The following SCHIP1 variants were observed in gnomAD, a reference collection of about 807,000 sequenced individuals.
SCHIP1 encodes schwannomin interacting protein 1, also known as schwannomin-interacting protein 1.
A neutral mutation model predicts 29.7 loss-of-function variants in SCHIP1; 8 were observed. The ratio of observed to expected loss-of-function variants is 0.27; its 90% CI spans 0.16 to 0.49. The LOEUF is 0.49. Ranked by LOEUF, SCHIP1 falls within the 20% of genes least tolerant of loss-of-function variation. The pLI is 0.99. For missense variants in SCHIP1, 193 were observed against 294.6 expected, an observed-to-expected ratio of 0.66 and a Z score of 2.52; for synonymous variants, 76 against 94.9, an observed-to-expected ratio of 0.80 and a Z score of 1.16.
chr3:159,292,208 C>T, the SCHIP1 span, among the ~76,000 whole-genome samples: 1 of 151,722 alleles, frequency 6.6e-6, no homozygotes, highest in Non-Finnish European at 1.5e-5. Context: ...GAAAAAGAGA[C>T]AGGAGGAAGA....
chr3:159,309,265 T>C, the SCHIP1 span: 1 of 189,198 alleles, frequency 5.3e-6, no homozygotes, highest in Non-Finnish European at 9.8e-6. Flanking sequence ...AAAAAGGAAA[T>C]CGTATTTAAA....
chr3:159,780,181 G>T, the SCHIP1 span, among the ~76,000 whole-genome samples: 2 of 152,198 alleles, frequency 1.3e-5, no homozygotes, highest in Non-Finnish European at 2.9e-5. Context: ...GGAAATTTAT[G>T]TCTAGAGCAT....
chr3:159,583,216 G>C, the SCHIP1 span, among the ~76,000 whole-genome samples: 1 of 152,122 alleles, frequency 6.6e-6, no homozygotes, highest in East Asian at 1.9e-4. Context: ...TCTAGGGTAT[G>C]TAAGTGACTT....
chr3:159,582,210 C>A, the SCHIP1 span, among the ~76,000 whole-genome samples: 1 of 151,810 alleles, frequency 6.6e-6, no homozygotes, highest in Non-Finnish European at 1.5e-5. Context: ...TCTCACTGTT[C>A]CCCAGGCTGA....
chr3:159,877,829 C>G (rs778471220), intron 2 of SCHIP1, among the ~76,000 whole-genome samples: 9 of 152,180 alleles, frequency 5.9e-5, no homozygotes, highest in Non-Finnish European at 1.0e-4. Context: ...AATAAATAGG[C>G]AGCCTGGCTT....
the SCHIP1 span, among the ~76,000 whole-genome samples, chr3:159,361,634 T>C: frequency 6.6e-5 from 10 of 152,062 alleles, no homozygotes; most frequent in African/African-American, 2.2e-4. Context: ...GAGAATAGAT[T>C]GTAGGGGGCA....
chr3:159,735,167 A>T, the SCHIP1 span, among the ~76,000 whole-genome samples: 3 of 151,970 alleles, frequency 2.0e-5, no homozygotes, highest in Non-Finnish European at 4.4e-5. Flanking sequence ...AAGCATTTTT[A>T]AAGGAACTTT....
chr3:159,611,363 A>G, the SCHIP1 span, among the ~76,000 whole-genome samples: 112 of 152,250 alleles, frequency 7.4e-4, no homozygotes, highest in African/African-American at 2.5e-3. Flanking sequence ...AAAAGAATGA[A>G]GTCATGTCCT....
chr3:159,586,838 A>G, the SCHIP1 span, among the ~76,000 whole-genome samples: 2 of 152,186 alleles, frequency 1.3e-5, no homozygotes, highest in African/African-American at 4.8e-5. Flanking sequence ...AAAATACTTT[A>G]GCAGCTCTTG....
chr3:159,446,246 A>G, the SCHIP1 span, among the ~76,000 whole-genome samples: 5 of 152,094 alleles, frequency 3.3e-5, no homozygotes, highest in Non-Finnish European at 5.9e-5. Flanking sequence ...ACATATGCCC[A>G]CTAATATTGT....
At chr3:159,466,017 A>G in the SCHIP1 span, among the ~76,000 whole-genome samples, 3 of 152,218 alleles carry the variant, frequency 2.0e-5, no homozygotes, top group Admixed American at 6.5e-5. Context: ...ACAATTTTTG[A>G]GAAATAATTC....
At chr3:159,316,679 C>A in the SCHIP1 span, among the ~76,000 whole-genome samples, 1 of 152,180 alleles carries the variant, frequency 6.6e-6, no homozygotes, top group Non-Finnish European at 1.5e-5. Flanking sequence ...TTACACCTAA[C>A]ATAATACAAC....
chr3:159,541,565 T>C, the SCHIP1 span, among the ~76,000 whole-genome samples: 1 of 151,978 alleles, frequency 6.6e-6, no homozygotes, highest in African/African-American at 2.4e-5. Context: ...TGGATATCTT[T>C]CCATATCAAA....
chr3:159,334,737 C>T, the SCHIP1 span, among the ~76,000 whole-genome samples: 1 of 152,040 alleles, frequency 6.6e-6, no homozygotes, highest in Non-Finnish European at 1.5e-5. Flanking sequence ...TTTATATTGT[C>T]GTATTCCATC....
chr3:159,490,258 T>C, the SCHIP1 span, among the ~76,000 whole-genome samples: 4 of 152,198 alleles, frequency 2.6e-5, no homozygotes, highest in Non-Finnish European at 5.9e-5. Flanking sequence ...CTCTCTTAGT[T>C]ACTTTGAAAT....
the SCHIP1 span, among the ~76,000 whole-genome samples, chr3:159,525,922 C>T: frequency 1.0e-3 from 157 of 152,252 alleles, 1 homozygote; most frequent in African/African-American, 3.5e-3. Flanking sequence ...AAATTGCAAA[C>T]TTTTTGTTTG....
the SCHIP1 span, among the ~76,000 whole-genome samples, chr3:159,766,663 A>G: frequency 1.1e-4 from 16 of 152,310 alleles, no homozygotes; most frequent in East Asian, 3.1e-3. Context: ...GATGGTGACA[A>G]TGAGCTCCAT....
chr3:159,571,684 T>C, the SCHIP1 span, among the ~76,000 whole-genome samples: 2 of 152,188 alleles, frequency 1.3e-5, no homozygotes, highest in Non-Finnish European at 2.9e-5. Flanking sequence ...TTGATTGGAA[T>C]AGTTTCAGAA....
chr3:159,356,249 G>C, the SCHIP1 span, among the ~76,000 whole-genome samples: 44 of 152,104 alleles, frequency 2.9e-4, no homozygotes, highest in African/African-American at 1.0e-3. Context: ...TTAGGGTTAA[G>C]TTGTTATCGT....
Sources: gnomAD v4.1 joint callset for allele counts (sites outside exome capture counted in the v4.1 genomes callset) on GRCh38, gnomAD v4.1.1 for gene constraint, MANE v1.5 for transcripts, NCBI Gene and HGNC (gene_info 2026-07-23, HGNC 2026-07-21) for gene names.